AGBL1: variants seen among roughly 807,000 people sequenced by gnomAD.
The protein encoded by AGBL1 is cytosolic carboxypeptidase 4.
AGBL1 carries 130 observed loss-of-function variants against 118.9 expected under a neutral mutation model. The observed-to-expected ratio is 1.09, with a 90% CI of 0.95 to 1.26. The LOEUF is 1.26. Ranked by LOEUF, AGBL1 falls within the 50% of genes most tolerant of loss-of-function variation. The pLI, the probability that AGBL1 is intolerant of heterozygous loss-of-function variation, is 0.00. For synonymous variants in AGBL1, 555 were observed against 478.9 expected (o/e 1.16, Z -2.08); for missense variants, 1,584 against 1,298.1 (o/e 1.22, Z -3.38).
Position 86,264,388 on chromosome 15 carries a change from A to G in AGBL1, c.1217A>G (p.Glu406Gly). The G allele has an allele frequency of 6.2e-7, 1 of 1,613,972 alleles. No homozygotes were observed. Among genetic ancestry groups the G allele is most frequent in the Non-Finnish European group, 8.5e-7 (1 of 1,179,872 alleles). The change falls in exon 11 of 23, where the codon GAA (glutamate) becomes GGA (glycine). Residue 406 changes from glutamate (E) to glycine (G), a missense_variant. Physicochemically the swap from Glu to Gly is moderately conservative, Grantham distance 98. Transcript: ENST00000614907. ...YSKDQSSCGQ[E>G]REYAVQTSLL... ...AAGGACCAAAGCTCCTGTGGGCAAG[A>G]AAGAGAATATGCTGTCCAGACTTCC...
At chr15:86,294,407 A>G (rs2079599521) in intron 16 of AGBL1, among the ~76,000 whole-genome samples, 1 of 149,742 alleles carries the variant, frequency 6.7e-6, no homozygotes, top group African/African-American at 2.4e-5. Flanking sequence ...TGTCTCAAAA[A>G]AAAAAAAAAA....
chr15:86,516,630 T>C (rs1352028914), intron 18 of AGBL1, among the ~76,000 whole-genome samples: 1 of 152,050 alleles, frequency 6.6e-6, no homozygotes, highest in East Asian at 1.9e-4. Flanking sequence ...CGAAACCCTG[T>C]CTCTACTAAA....
intron 24 of AGBL1, among the ~76,000 whole-genome samples, chr15:87,009,753 GA>G (rs2081539380): frequency 6.6e-6 from 1 of 152,186 alleles, no homozygotes; most frequent in African/African-American, 2.4e-5. Flanking sequence ...CTAGATATAA[GA>G]CATGGCGTCA....
chr15:86,256,722 G>T (rs1398045367), intron 7 of AGBL1, 131 bp from the exon 8 acceptor site: 1 of 854,342 alleles, frequency 1.2e-6, no homozygotes, highest in African/African-American at 1.7e-5. Context: ...CTGTCCATGC[G>T]TATAATTCAT....
intron 22 of AGBL1, among the ~76,000 whole-genome samples, chr15:86,679,241 T>C (rs1421633056): frequency 2.6e-5 from 4 of 152,128 alleles, no homozygotes; most frequent in Admixed American, 2.6e-4. Flanking sequence ...TGCTTTGATG[T>C]TCATCAGTAA....
intron 21 of AGBL1, among the ~76,000 whole-genome samples, chr15:86,637,377 C>T (rs1378231237): frequency 6.6e-6 from 1 of 151,266 alleles, no homozygotes; most frequent in African/African-American, 2.4e-5. Flanking sequence ...CATAGAGAAA[C>T]ACAAATGAGA....
At chr15:86,278,952 A>G (rs1188440199) in intron 15 of AGBL1, among the ~76,000 whole-genome samples, 1 of 152,224 alleles carries the variant, frequency 6.6e-6, no homozygotes, top group Non-Finnish European at 1.5e-5. Context: ...TGAGGTGACA[A>G]ATATATTCCT....
At chr15:86,368,161 A>T (rs1411306706) in intron 17 of AGBL1, among the ~76,000 whole-genome samples, 2 of 152,188 alleles carry the variant, frequency 1.3e-5, no homozygotes, top group Non-Finnish European at 2.9e-5. Context: ...TAGCACCAAG[A>T]TGCCATAGCC....
At chr15:86,700,948 G>A (rs1297929436) in intron 22 of AGBL1, among the ~76,000 whole-genome samples, 1 of 152,106 alleles carries the variant, frequency 6.6e-6, no homozygotes, top group East Asian at 1.9e-4. Flanking sequence ...GGAACCATGT[G>A]AAATGCTGTG....
intron 18 of AGBL1, among the ~76,000 whole-genome samples, chr15:86,409,490 C>T (rs1160359392): frequency 6.6e-6 from 1 of 152,098 alleles, no homozygotes; most frequent in Non-Finnish European, 1.5e-5. Flanking sequence ...ACACAGAAGG[C>T]GTCAGGAGCT....
intron 22 of AGBL1, among the ~76,000 whole-genome samples, chr15:86,859,858 T>G (rs2079536762): frequency 6.6e-6 from 1 of 152,166 alleles, no homozygotes; most frequent in Non-Finnish European, 1.5e-5. Flanking sequence ...TAATTCCATC[T>G]CTAGAGTTTA....
At chr15:86,542,852 T>C (rs959134246) in intron 19 of AGBL1, among the ~76,000 whole-genome samples, 3 of 152,220 alleles carry the variant, frequency 2.0e-5, no homozygotes, top group South Asian at 4.1e-4. Flanking sequence ...AGCATTCTTT[T>C]GTTTTGTATT....
chr15:86,180,378 AC>A (rs1275247523), intron 5 of AGBL1, among the ~76,000 whole-genome samples: 2 of 152,138 alleles, frequency 1.3e-5, no homozygotes, highest in Non-Finnish European at 2.9e-5. Context: ...TCAAAAATAA[AC>A]CCATGCATGA....
intron 17 of AGBL1, among the ~76,000 whole-genome samples, chr15:86,314,337 A>G (rs1423597889): frequency 6.6e-6 from 1 of 152,188 alleles, no homozygotes; most frequent in African/African-American, 2.4e-5. Flanking sequence ...CTGGCTAGTA[A>G]GATCTTCCTT....
At chr15:86,492,835 C>A (rs139589801) in intron 18 of AGBL1, among the ~76,000 whole-genome samples, 8 of 152,028 alleles carry the variant, frequency 5.3e-5, no homozygotes, top group African/African-American at 1.9e-4. Flanking sequence ...AGTGGAGATG[C>A]GGTAGGACTA....
At chr15:86,133,793 G>C (rs1267278486) in intron 1 of AGBL1, among the ~76,000 whole-genome samples, 1 of 152,086 alleles carries the variant, frequency 6.6e-6, no homozygotes, top group Non-Finnish European at 1.5e-5. Flanking sequence ...TGTTTTCAAG[G>C]TTCCATCTAA....
intron 22 of AGBL1, among the ~76,000 whole-genome samples, chr15:86,706,746 T>A (rs1296052093): frequency 6.6e-6 from 1 of 152,154 alleles, no homozygotes; most frequent in African/African-American, 2.4e-5. Flanking sequence ...TTATCTTCTG[T>A]CTTTGAGGAT....
At chr15:86,577,855 C>A (rs1055808287) in intron 21 of AGBL1, among the ~76,000 whole-genome samples, 1 of 152,108 alleles carries the variant, frequency 6.6e-6, no homozygotes, top group Admixed American at 6.5e-5. Context: ...TGGGAACCTC[C>A]GCCTAGATTT....
intron 18 of AGBL1, among the ~76,000 whole-genome samples, chr15:86,464,880 G>A (rs1045710762): frequency 6.6e-6 from 1 of 151,878 alleles, no homozygotes; most frequent in Admixed American, 6.6e-5. Flanking sequence ...ATGTTCATTA[G>A]GGATATTGGC....
Sources: allele counts gnomAD v4.1 joint callset (sites outside exome capture counted in the v4.1 genomes callset), GRCh38; gene constraint gnomAD v4.1.1; transcripts MANE v1.5; gene names NCBI Gene and HGNC (gene_info 2026-07-23, HGNC 2026-07-21).